The following KIAA1217 variants were observed in gnomAD, a reference collection of about 807,000 sequenced individuals.
KIAA1217 encodes KIAA1217.
KIAA1217 carries 88 observed loss-of-function variants against 163.9 expected under a neutral mutation model. That is an observed-to-expected ratio of 0.54 (90% confidence interval 0.45 to 0.64). The LOEUF is 0.64. Among genes scored for constraint, KIAA1217 ranks in the 30% least tolerant of loss-of-function variants. The pLI is 0.00. For synonymous variants in KIAA1217, 903 were observed against 923.1 expected (o/e 0.98, Z 0.39); for missense variants, 2,372 against 2,475.0 (o/e 0.96, Z 0.88).
At chr10:23,807,213 T>G (rs1267909669) in intron 1 of KIAA1217, among the ~76,000 whole-genome samples, 1 of 152,240 alleles carries the variant, frequency 6.6e-6, no homozygotes, top group Non-Finnish European at 1.5e-5. Flanking sequence ...CGAATGGACA[T>G]TTTTACTCTC....
At chr10:24,416,708 C>G (rs1283939631) in intron 3 of KIAA1217, among the ~76,000 whole-genome samples, 1 of 152,186 alleles carries the variant, frequency 6.6e-6, no homozygotes, top group Non-Finnish European at 1.5e-5. Flanking sequence ...GTCCCCCCCA[C>G]ATCCCAGCCT....
At chr10:23,874,756 T>G (rs972624465) in intron 1 of KIAA1217, among the ~76,000 whole-genome samples, 7 of 152,014 alleles carry the variant, frequency 4.6e-5, no homozygotes, top group Admixed American at 1.3e-4. Flanking sequence ...CACTAAAGCA[T>G]CCTGATTTTA....
At chr10:24,157,739 A>G (rs1457019288) in intron 2 of KIAA1217, 1 of 296,550 alleles carries the variant, frequency 3.4e-6, no homozygotes, top group African/African-American at 2.2e-5. Context: ...AGCTAAAATT[A>G]AAAAGACTGA....
At chr10:24,064,336 G>C (rs924075598) in intron 2 of KIAA1217, among the ~76,000 whole-genome samples, 9 of 152,140 alleles carry the variant, frequency 5.9e-5, no homozygotes, top group Non-Finnish European at 1.3e-4. Flanking sequence ...AATTTATTGA[G>C]AGTTTTGGGC....
intron 1 of KIAA1217, among the ~76,000 whole-genome samples, chr10:23,749,095 A>G (rs1318194678): frequency 6.6e-6 from 1 of 152,150 alleles, no homozygotes; most frequent in Admixed American, 6.5e-5. Flanking sequence ...GTTCATAAAA[A>G]TGTTCTCTAC....
chr10:24,123,134 T>TTGTGTGTGTGTGTGTG (rs35526705), intron 2 of KIAA1217, among the ~76,000 whole-genome samples: 2 of 148,070 alleles, frequency 1.4e-5, no homozygotes, highest in African/African-American at 5.0e-5. Context: ...TACTGTGTGT[T>TTGTGTGTGTGTGTGTG]TGTGTGTGTG....
At chr10:24,446,929 G>T (rs1456510867) in intron 5 of KIAA1217, among the ~76,000 whole-genome samples, 1 of 152,150 alleles carries the variant, frequency 6.6e-6, no homozygotes, top group Non-Finnish European at 1.5e-5. Context: ...CATGCCTGTG[G>T]TCACTACCGT....
intron 2 of KIAA1217, among the ~76,000 whole-genome samples, chr10:24,270,160 A>C (rs1229165338): frequency 6.6e-6 from 1 of 152,212 alleles, no homozygotes; most frequent in Non-Finnish European, 1.5e-5. Context: ...TTCAAAACAG[A>C]ATAATTGATT....
chr10:24,158,616 C>T, intron 2 of KIAA1217: 1 of 508,898 alleles, frequency 2.0e-6, no homozygotes. Context: ...CATCTTTCGC[C>T]TTTACACCAC....
intron 2 of KIAA1217, among the ~76,000 whole-genome samples, chr10:24,345,346 A>G (rs552241921): frequency 6.6e-6 from 1 of 152,332 alleles, no homozygotes; most frequent in South Asian, 2.1e-4. Context: ...TTATCTACGC[A>G]TAGGAGTCAT....
chr10:24,127,603 C>T (rs1449991619), intron 2 of KIAA1217, among the ~76,000 whole-genome samples: 7 of 152,104 alleles, frequency 4.6e-5, no homozygotes, highest in Admixed American at 4.6e-4. Context: ...TCACAATGCA[C>T]TCCAGTTTTT....
chr10:24,423,981 C>T (rs913425777), intron 3 of KIAA1217, among the ~76,000 whole-genome samples: 7 of 152,140 alleles, frequency 4.6e-5, no homozygotes, highest in Non-Finnish European at 8.8e-5. Context: ...AAATAATTGA[C>T]AGATAGATCC....
chr10:24,505,029 C>T (rs2068151253), intron 9 of KIAA1217, among the ~76,000 whole-genome samples: 1 of 152,110 alleles, frequency 6.6e-6, no homozygotes, highest in Non-Finnish European at 1.5e-5. Context: ...TGCTCAGGCA[C>T]GATGGCCAGA....
chr10:23,762,461 C>T (rs1235180547), intron 1 of KIAA1217, among the ~76,000 whole-genome samples: 2 of 152,160 alleles, frequency 1.3e-5, no homozygotes, highest in Non-Finnish European at 2.9e-5. Context: ...GCTGGTTCAA[C>T]ATACCCAAAT....
chr10:24,537,675 C>T (rs1189105127), intron 17 of KIAA1217, among the ~76,000 whole-genome samples: 1 of 151,920 alleles, frequency 6.6e-6, no homozygotes, highest in Non-Finnish European at 1.5e-5. Context: ...TGGAAACATA[C>T]AAATGTGTAT....
intron 16 of KIAA1217, among the ~76,000 whole-genome samples, chr10:24,535,997 C>T (rs763155431): frequency 6.6e-6 from 1 of 151,948 alleles, no homozygotes; most frequent in Non-Finnish European, 1.5e-5. Context: ...AAACTTGGGT[C>T]CCTGAGTTAC....
At chr10:24,293,511 T>C (rs1379151886) in intron 2 of KIAA1217, among the ~76,000 whole-genome samples, 1 of 152,184 alleles carries the variant, frequency 6.6e-6, no homozygotes, top group African/African-American at 2.4e-5. Flanking sequence ...ACAACAGATA[T>C]GCTCAGGGAC....
At chr10:24,313,617 G>A (rs1414159425) in intron 2 of KIAA1217, among the ~76,000 whole-genome samples, 1 of 152,112 alleles carries the variant, frequency 6.6e-6, no homozygotes. Context: ...GAGGGGGATG[G>A]TTTTAGATAA....
At chr10:24,335,412 C>T (rs1342840960) in intron 2 of KIAA1217, among the ~76,000 whole-genome samples, 1 of 151,210 alleles carries the variant, frequency 6.6e-6, no homozygotes, top group Non-Finnish European at 1.5e-5. Context: ...CCTGCCTTAG[C>T]CTCCCTAGTA....
Sources: allele counts gnomAD v4.1 joint callset (sites outside exome capture counted in the v4.1 genomes callset), GRCh38; gene constraint gnomAD v4.1.1; transcripts MANE v1.5; gene names NCBI Gene and HGNC (gene_info 2026-07-23, HGNC 2026-07-21).